OSCAR: variants seen among roughly 807,000 people sequenced by gnomAD.
OSCAR encodes osteoclast-associated immunoglobulin-like receptor.
In OSCAR, 25 loss-of-function variants were observed where a neutral mutation model predicts 27.3. That is an observed-to-expected ratio of 0.92 (90% confidence interval 0.67 to 1.28). OSCAR has a LOEUF of 1.28. OSCAR is among the 50% of genes most tolerant of loss of function. The pLI is 0.00. For synonymous variants in OSCAR, 158 were observed against 165.7 expected, an observed-to-expected ratio of 0.95 and a Z score of 0.36; for missense variants, 354 against 355.1, an observed-to-expected ratio of 1.00 and a Z score of 0.03.
chr19:54,096,833 A>G, intron 3 of OSCAR, 29 bp downstream of exon 3: 1 of 1,599,406 alleles, frequency 6.3e-7, no homozygotes, highest in Non-Finnish European at 8.5e-7. Flanking sequence ...TGTTCCACCC[A>G]CTTCTCCTCC....
intron 4 of OSCAR, 94 bp downstream of exon 4, chr19:54,095,778 A>C: frequency 6.7e-7 from 1 of 1,485,420 alleles, no homozygotes; most frequent in African/African-American, 1.7e-5. Flanking sequence ...GAAGGAGGAG[A>C]GGCTGGGGGC....
chr19:54,099,251 T>TTTTTTTG (rs1412223669), intron 2 of OSCAR, among the ~76,000 whole-genome samples: 2 of 141,560 alleles, frequency 1.4e-5, no homozygotes, highest in Non-Finnish European at 3.1e-5. Context: ...TTTTTTTTTT[T>TTTTTTTG]TTAGTAGAGA....
rs1458989397 is a variant in OSCAR at position 54,097,160 on chromosome 19, G to C, written c.75C>G (p.Pro25=). ...ATGGCTTAGGGTGGTATGAAGCTGG[G>C]GGGACTGAATAAACGGGGCTGCCTG... ...LCHTDITPSV[P]PASYHPKPWL... Residue 25 remains proline, a synonymous_variant, in exon 3 of 5, where the codon CCC becomes CCG. Coordinates refer to ENST00000358375, the MANE Select transcript of OSCAR (RefSeq NM_133169.6). 2.5e-6 allele frequency: 4 copies of C among 1,611,842 alleles called. No individual in the cohort carries two copies. The highest frequency in any genetic ancestry group is 2.5e-6 in the Non-Finnish European group (3 of 1,178,288).
Position 54,095,293 on chromosome 19 carries a change from G to A in OSCAR, c.720C>T (p.Leu240=), listed in dbSNP as rs1442263644. 2 of 1,596,082 alleles carry A rather than the reference G, an allele frequency of 1.3e-6. No homozygotes were observed. Among genetic ancestry groups the A allele is most frequent in the African/African-American group, 1.3e-5 (1 of 74,646 alleles). ...AAGTGACCAGCGCGCCCAGGGAGAT[G>A]AGGACCAGCCCGGCCAGCCCCAGGC... ...LVRLGLAGLV[L]ISLGALVTFD... The change falls in exon 5 of 5, where the codon CTC becomes CTT. Residue 240 remains leucine (L), a synonymous_variant. Coordinates refer to ENST00000358375, the MANE Select transcript of OSCAR (RefSeq NM_133169.6).
chr19:54,096,945 C>A lies in OSCAR; in HGVS notation c.290G>T (p.Ser97Ile), dbSNP rs1657535. Residue 97 changes from serine (S) to isoleucine (I), a missense_variant, in exon 3 of 5, where the codon AGT becomes ATT. Physicochemically the swap from Ser to Ile is moderately radical, Grantham distance 142 (BLOSUM62 -2). Transcript: ENST00000358375. ...TGGCCTTCGGTAGCAGCAGCGGTAA[C>A]TTCCCCCTTGGGCTGGAGTCACCTC... ...LEEVTPAQGGSYRCCYRRPDW... is the reference protein window; with the variant it reads ...LEEVTPAQGGIYRCCYRRPDW... 0.046 allele frequency: 73,980 copies of A among 1,614,078 alleles called. 4,052 individuals carry two copies. The highest frequency in any genetic ancestry group is 0.31 in the East Asian group (13,721 of 44,850).
In OSCAR at chr19:54,096,103, G is replaced by A; in HGVS notation, c.424C>T (p.Pro142Ser). 1 of 1,530,514 alleles carries A rather than the reference G, an allele frequency of 6.5e-7. No individual in the cohort carries two copies. Among genetic ancestry groups the A allele is most frequent in the Non-Finnish European group, 8.7e-7 (1 of 1,144,684 alleles). 94.8% of individuals were successfully genotyped at this position (1,530,514 alleles called of 1,614,324 possible). A position where few individuals can be genotyped will look rare whatever the true frequency, so the allele number is the denominator to read the frequency against. Residue 142 changes from proline (P) to serine (S), a missense_variant, in exon 4 of 5, where the codon CCT (proline) becomes TCT (serine). Coordinates refer to ENST00000358375, the MANE Select transcript of OSCAR (RefSeq NM_133169.6). ...CAGCGCAGGCTCACGTTGGCGCCAG[G>A]ACCCACCACCGGCCCGGGCAGCGCC... is the stretch of plus-strand genomic sequence containing the variant. ...LVALPGPVVG[P>S]GANVSLRCAG... is the part of the protein sequence containing the mutation.
chr19:54,100,360 C>T (rs1479956386), intron 1 of OSCAR, among the ~76,000 whole-genome samples: 2 of 152,096 alleles, frequency 1.3e-5, no homozygotes, highest in Non-Finnish European at 2.9e-5. Context: ...GAACAATGAT[C>T]GTAGAGTTTC....
intron 3 of OSCAR, 49 bp from the exon 4 acceptor site, chr19:54,096,202 G>T: frequency 1.4e-6 from 2 of 1,411,398 alleles, no homozygotes; most frequent in African/African-American, 1.5e-5. Context: ...TCTTCCGCTC[G>T]CTCGCTCGCT....
Position 54,096,109 on chromosome 19 carries a change from C to G in OSCAR, c.418G>C (p.Val140Leu), listed in dbSNP as rs1366080123. Residue 140 changes from valine to leucine, a missense_variant, in exon 4 of 5, where the codon GTG (valine) becomes CTG (leucine). Physicochemically the swap from Val to Leu is conservative, Grantham distance 32. Coordinates refer to ENST00000358375, the MANE Select transcript of OSCAR (RefSeq NM_133169.6). ...AGGCTCACGTTGGCGCCAGGACCCA[C>G]CACCGGCCCGGGCAGCGCCACCAGC... is the stretch of plus-strand genomic sequence containing the variant. ...PSLVALPGPV[V>L]GPGANVSLRC... 1.3e-6 allele frequency: 2 copies of G among 1,529,366 alleles called. No homozygotes were observed. Among genetic ancestry groups the G allele is most frequent in the Admixed American group, 4.0e-5 (2 of 50,506 alleles). 94.7% of individuals were successfully genotyped at this position (1,529,366 alleles called of 1,614,324 possible).
intron 1 of OSCAR, among the ~76,000 whole-genome samples, chr19:54,100,056 C>T (rs2072967014): frequency 6.6e-6 from 1 of 152,144 alleles, no homozygotes; most frequent in African/African-American, 2.4e-5. Context: ...AGGTGATCCA[C>T]CCGCCTCGGC....
intron 2 of OSCAR, among the ~76,000 whole-genome samples, chr19:54,099,035 C>T (rs146373756): frequency 5.9e-4 from 75 of 126,156 alleles, no homozygotes; most frequent in African/African-American, 2.3e-3. Flanking sequence ...TATAGCGACA[C>T]TGAAATATCT....
Position 54,095,302 on chromosome 19 carries a change from C to A in OSCAR, c.711G>T (p.Gly237=), listed in dbSNP as rs1371257183. 1.3e-6 allele frequency: 2 copies of A among 1,587,634 alleles called. No homozygotes were observed. Among genetic ancestry groups the A allele is most frequent in the Non-Finnish European group, 1.7e-6 (2 of 1,167,618 alleles). ...RGNLVRLGLA[G]LVLISLGALV... is the part of the protein sequence containing the mutation. ...GCGCGCCCAGGGAGATGAGGACCAG[C>A]CCGGCCAGCCCCAGGCGGACTAGGT... The change falls in exon 5 of 5, where the codon GGG becomes GGT. Residue 237 remains glycine, a synonymous_variant. Transcript: ENST00000358375.
intron 2 of OSCAR, 159 bp downstream of exon 2, chr19:54,099,589 C>T: frequency 1.9e-6 from 3 of 1,605,864 alleles, no homozygotes; most frequent in Non-Finnish European, 1.7e-6. Context: ...TCAGTACTCA[C>T]CTATAATGGC....
At position 54,100,737 on chromosome 19, in the gene OSCAR, G is replaced by A; in HGVS notation, c.37+19C>T. 6.4e-7 allele frequency: 1 copy of A among 1,551,438 alleles called. No homozygotes were observed. The highest frequency in any genetic ancestry group is 8.7e-7 in the Non-Finnish European group (1 of 1,146,750). On this transcript the variant is annotated intron_variant, in intron 1 of 4. Coordinates refer to ENST00000358375, the MANE Select transcript of OSCAR (RefSeq NM_133169.6). ...CCAACCCCAGCCAGGAACCCAGGGA[G>A]AAGAAAGGGGTGACTCACAGAGGGT...
Position 54,095,160 on chromosome 19 carries a change from C to T in OSCAR, c.*61G>A. On this transcript the variant is annotated 3_prime_UTR_variant, in exon 5 of 5. Coordinates refer to ENST00000358375, the MANE Select transcript of OSCAR (RefSeq NM_133169.6). ...GGGCTGCAGGAAAGGACAGTCCAGC[C>T]CAGGGTCCCAGCTTCTCCGCCACTC... 1.9e-6 allele frequency: 3 copies of T among 1,569,238 alleles called. No individual in the cohort carries two copies. The highest frequency in any genetic ancestry group is 2.6e-6 in the Non-Finnish European group (3 of 1,157,218).
intron 3 of OSCAR, 111 bp from the exon 4 acceptor site, chr19:54,096,264 T>TTCTGCCTCTCTTTCTC: frequency 4.2e-6 from 4 of 954,822 alleles, no homozygotes; most frequent in Admixed American, 3.3e-5. Context: ...CTCTCTCTCT[T>TTCTGCCTCTCTTTCTC]TCTGCCTCTC....
At position 54,095,933 on chromosome 19, in the gene OSCAR, G is replaced by T. The variant is rs760981810; in HGVS notation, c.594C>A (p.His198Gln). The change falls in exon 4 of 5, where the codon CAC (histidine) becomes CAA (glutamine). Residue 198 changes from histidine to glutamine, a missense_variant. His to Gln is a conservative substitution (Grantham distance 24, BLOSUM62 0). Transcript: ENST00000358375. ...ACAGCACGTAGGGCGCGGAGGGCGTGTGATAGTAGCAGCTGTAGGTGCCGG... is the reference window on the plus strand; with the variant it reads ...ACAGCACGTAGGGCGCGGAGGGCGTTTGATAGTAGCAGCTGTAGGTGCCGG... The part of the protein sequence containing the change: ...RAPGTYSCYY[H>Q]TPSAPYVLSQ... 3.8e-6 allele frequency: 6 copies of T among 1,586,702 alleles called. No homozygotes were observed. Among genetic ancestry groups the T allele is most frequent in the South Asian group, 1.1e-5 (1 of 87,096 alleles).
intron 4 of OSCAR, 108 bp downstream of exon 4, chr19:54,095,764 G>A (rs1442076533): frequency 1.3e-6 from 2 of 1,512,148 alleles, no homozygotes; most frequent in Non-Finnish European, 1.8e-6. Flanking sequence ...AGACCCCTGG[G>A]TCTGAAGGAG....
Position 54,095,185 on chromosome 19 carries a change from C to G in OSCAR, c.*36G>C. 1 of 1,598,508 alleles carries G rather than the reference C, an allele frequency of 6.3e-7. No homozygotes were observed. The highest frequency in any genetic ancestry group is 8.5e-7 in the Non-Finnish European group (1 of 1,171,850). On this transcript the variant is annotated 3_prime_UTR_variant, in exon 5 of 5. Coordinates refer to ENST00000358375, the MANE Select transcript of OSCAR (RefSeq NM_133169.6). The stretch of plus-strand genomic sequence containing the variant: ...CCAGGGTCCCAGCTTCTCCGCCACT[C>G]AGGTTGGAAGTCTCGGGCTGCAGTG...
Sources: allele counts gnomAD v4.1 joint callset (sites outside exome capture counted in the v4.1 genomes callset), GRCh38; gene constraint gnomAD v4.1.1; transcripts MANE v1.5; gene names NCBI Gene and HGNC (gene_info 2026-07-23, HGNC 2026-07-21).